The following TSN variants were observed in gnomAD, a reference collection of about 807,000 sequenced individuals.
The protein encoded by TSN is translin, also known as component 3 of promoter of RISC.
A neutral mutation model predicts 29.4 loss-of-function variants in TSN; 5 were observed. The observed-to-expected ratio is 0.17, with a 90% confidence interval of 0.09 to 0.36. The LOEUF (loss-of-function observed/expected upper bound fraction) is 0.36, where lower values mean the gene tolerates loss of function less well. TSN is among the 10% of genes least tolerant of loss of function. The pLI, the probability that TSN is intolerant of heterozygous loss-of-function variation, is 1.00. For synonymous variants in TSN, 106 were observed against 102.2 expected (o/e 1.04, Z -0.23); for missense variants, 159 against 272.8 (o/e 0.58, Z 2.94).
chr2:121,764,118 C>G (rs1019426299), intron 5 of TSN, among the ~76,000 whole-genome samples: 2 of 152,130 alleles, frequency 1.3e-5, no homozygotes, highest in African/African-American at 4.8e-5. Flanking sequence ...ATTCTGGTGC[C>G]TTGCCTGCAG....
Position 121,755,765 on chromosome 2 carries a change from T to A in TSN, c.-15T>A. 1 of 1,613,394 alleles carries A rather than the reference T, an allele frequency of 6.2e-7. No homozygotes were observed. The highest frequency in any genetic ancestry group is 8.5e-7 in the Non-Finnish European group (1 of 1,180,030). On this transcript the variant is annotated 5_prime_UTR_variant, in exon 1 of 6. Transcript: ENST00000389682. ...CGCCCTTGCTACACTGGCTGATTGTTGTGCAGCCGGCGCCATGTCTGTGAG... is the reference window on the plus strand; with the variant it reads ...CGCCCTTGCTACACTGGCTGATTGTAGTGCAGCCGGCGCCATGTCTGTGAG...
At position 121,755,667 on chromosome 2, in the gene TSN, C is replaced by G. The variant is rs1345639057; in HGVS notation, c.-113C>G. The G allele has an allele frequency of 7.0e-7, 1 of 1,430,230 alleles. No homozygotes were observed. The highest frequency in any genetic ancestry group is 1.4e-5 in the African/African-American group (1 of 71,666). The allele number at this position is 1,430,230 out of a possible 1,614,324, so 88.6% of individuals were successfully genotyped here. On this transcript the variant is annotated 5_prime_UTR_variant, in exon 1 of 6. Coordinates refer to ENST00000389682, the MANE Select transcript of TSN (RefSeq NM_004622.3). ...CCTAGCGACGGTCGTGGCGTAAGAC[C>G]GGGGGGACGCGGCGGTAGCGGCGGC...
At chr2:121,761,627 C>T in intron 4 of TSN, 103 bp downstream of exon 4, 2 of 854,802 alleles carry the variant, frequency 2.3e-6, no homozygotes, top group Non-Finnish European at 3.9e-6. Context: ...CAAGAATTAA[C>T]TAAAAACCAC....
In TSN at chr2:121,765,395, G is replaced by A. The variant is rs1313107642; in HGVS notation, c.*28G>A. 1.2e-6 allele frequency: 2 copies of A among 1,609,370 alleles called. No homozygotes were observed. Among genetic ancestry groups the A allele is most frequent in the Non-Finnish European group, 1.7e-6 (2 of 1,176,184 alleles). ...GGCTCTCCTTGCTCCTGGCCTTGCT[G>A]ACCTCAGCGGTTGCCAGGAAGGGGT... On this transcript the variant is annotated 3_prime_UTR_variant, in exon 6 of 6. Transcript: ENST00000389682.
intron 4 of TSN, among the ~76,000 whole-genome samples, chr2:121,761,987 T>G (rs943317798): frequency 6.7e-6 from 1 of 150,148 alleles, no homozygotes; most frequent in Non-Finnish European, 1.5e-5. Context: ...CCAGCTAATT[T>G]TTTGTATTTT....
intron 2 of TSN, 33 bp downstream of exon 2, chr2:121,757,366 C>G: frequency 6.2e-7 from 1 of 1,613,296 alleles, no homozygotes; most frequent in Non-Finnish European, 8.5e-7. Flanking sequence ...AATTATCAGT[C>G]TCTTATTTAG....
intron 3 of TSN, among the ~76,000 whole-genome samples, chr2:121,761,021 C>T (rs2074819462): frequency 6.6e-6 from 1 of 152,074 alleles, no homozygotes; most frequent in South Asian, 2.1e-4. Context: ...GGGCGCCTGC[C>T]ACCACGCCTG....
rs1037207010 is a variant in TSN, at chr2:121,765,488, C to G, written c.*121C>G. The G allele has an allele frequency of 2.2e-6, 2 of 902,486 alleles. No homozygotes were observed. Among genetic ancestry groups the G allele is most frequent in the African/African-American group, 3.3e-5 (2 of 59,814 alleles). 55.9% of individuals were successfully genotyped at this position (902,486 alleles called of 1,614,324 possible). ...TAAACACTGCGCTTTATTTTCTTAACCAGTTGTGGTGTGAGTATCAGAATT... is the reference window on the plus strand; with the variant it reads ...TAAACACTGCGCTTTATTTTCTTAAGCAGTTGTGGTGTGAGTATCAGAATT... On this transcript the variant is annotated 3_prime_UTR_variant, in exon 6 of 6. Coordinates refer to ENST00000389682, the MANE Select transcript of TSN (RefSeq NM_004622.3).
intron 4 of TSN, among the ~76,000 whole-genome samples, chr2:121,762,379 T>C (rs902865249): frequency 3.9e-5 from 6 of 151,978 alleles, no homozygotes; most frequent in African/African-American, 1.4e-4. Flanking sequence ...TTGCCCGCCT[T>C]GGCCTCCCAA....
chr2:121,756,444 G>A (rs1444025433), intron 1 of TSN: 4 of 251,218 alleles, frequency 1.6e-5, no homozygotes, highest in South Asian at 7.4e-5. Flanking sequence ...TTCCTGTTAT[G>A]TTTTCTAGTA....
At position 121,761,459 on chromosome 2, in the gene TSN, C is replaced by T; in HGVS notation, c.308C>T (p.Ala103Val). Residue 103 changes from alanine (A) to valine (V), a missense_variant, in exon 4 of 6, where the codon GCA becomes GTA. Around this residue, in one of 3 missense-constraint regions of TSN, gnomAD observed 85 missense variants for 178.1 expected, o/e 0.48. Coordinates refer to ENST00000389682, the MANE Select transcript of TSN (RefSeq NM_004622.3). ...TTGCAGCGCTTGGTCTTCTTGGCAG[C>T]ATTTGTTGTGTATTTGGAAACAGAA... is the stretch of plus-strand genomic sequence containing the variant. ...FVLQRLVFLA[A>V]FVVYLETETL... 1 of 1,614,102 alleles carries T rather than the reference C, an allele frequency of 6.2e-7. No homozygotes were observed. The highest frequency in any genetic ancestry group is 1.3e-5 in the African/African-American group (1 of 75,022).
chr2:121,763,229 G>A (rs1405535980), intron 5 of TSN, 145 bp downstream of exon 5: 2 of 539,218 alleles, frequency 3.7e-6, no homozygotes, highest in African/African-American at 2.1e-5. Flanking sequence ...TGCAAGCTCC[G>A]CCTCCCGAGT....
rs765043932 is a variant in TSN, at chr2:121,763,051, T to C, written c.420T>C (p.Tyr140=). 2.9e-5 allele frequency: 46 copies of C among 1,611,346 alleles called. No homozygotes were observed. Among genetic ancestry groups the C allele is most frequent in the Non-Finnish European group, 3.8e-5 (45 of 1,179,218 alleles). Reference sequence around the variant, plus strand: ...GATTTCATCTGGATGTAGAAGATTATCTCTCAGGAGTTCTAATTCTTGCCA... The same window carrying C: ...GATTTCATCTGGATGTAGAAGATTACCTCTCAGGAGTTCTAATTCTTGCCA... ...EKGFHLDVED[Y]LSGVLILASE... is the part of the protein sequence containing the mutation. The change falls in exon 5 of 6, where the codon TAT becomes TAC. Residue 140 remains tyrosine (Y), a synonymous_variant. Transcript: ENST00000389682.
chr2:121,756,699 GT>G, intron 1 of TSN: 2 of 1,154,840 alleles, frequency 1.7e-6, no homozygotes, highest in Non-Finnish European at 2.3e-6. Context: ...GAGGTAAGGA[GT>G]TTGAGACCAG....
chr2:121,755,757 CTGAT>C lies in TSN; in HGVS notation c.-20_-17del, dbSNP rs200217188. The C allele has an allele frequency of 1.7e-3, 2,732 of 1,613,008 alleles. 48 individuals carry two copies. The African/African-American group carries it at 0.033, about 20-fold the overall frequency. On this transcript the variant is annotated 5_prime_UTR_variant, in exon 1 of 6. Transcript: ENST00000389682. ...TCCTTGGCCGCCCTTGCTACACTGGCTGATTGTTGTGCAGCCGGCGCCATGTCTG... is the reference window on the plus strand; with the variant it reads ...TCCTTGGCCGCCCTTGCTACACTGGCTGTTGTGCAGCCGGCGCCATGTCTG...
At chr2:121,757,095 T>C (rs1245761489) in intron 1 of TSN, 145 bp from the exon 2 acceptor site, 8 of 720,634 alleles carry the variant, frequency 1.1e-5, no homozygotes, top group Non-Finnish European at 1.8e-5. Flanking sequence ...TTAGTGACTT[T>C]TTGAAGTCTT....
intron 4 of TSN, among the ~76,000 whole-genome samples, chr2:121,761,826 ATT>A (rs57744560): frequency 2.2e-4 from 33 of 146,762 alleles, no homozygotes; most frequent in African/African-American, 7.0e-4. Flanking sequence ...CTATGTAAAT[ATT>A]TTTTTTTTTT....
At chr2:121,757,536 G>A in intron 2 of TSN, 2 of 971,430 alleles carry the variant, frequency 2.1e-6, no homozygotes, top group Non-Finnish European at 3.0e-6. Context: ...TATTGCGAGG[G>A]CATTCTACTG....
chr2:121,757,170 A>G (rs1001614987), intron 1 of TSN, 70 bp from the exon 2 acceptor site: 2 of 1,348,680 alleles, frequency 1.5e-6, no homozygotes, highest in African/African-American at 1.4e-5. Flanking sequence ...TAAGCTATCT[A>G]ATGTGTTTTG....
Sources: allele counts gnomAD v4.1 joint callset (sites outside exome capture counted in the v4.1 genomes callset), GRCh38; gene constraint gnomAD v4.1.1; regional missense constraint gnomAD v4.1.1; transcripts MANE v1.5; gene names NCBI Gene and HGNC (gene_info 2026-07-23, HGNC 2026-07-21).